The following KDM5B variants were observed in gnomAD, a reference collection of about 807,000 sequenced individuals.
KDM5B encodes the protein lysine demethylase 5B, also known as lysine-specific demethylase 5B.
In KDM5B, 144 loss-of-function variants were observed where a neutral mutation model predicts 193.4. That is an observed-to-expected ratio of 0.74 (90% CI 0.65 to 0.86). The LOEUF (loss-of-function observed/expected upper bound fraction) is 0.86, where lower values mean the gene tolerates loss of function less well. KDM5B is among the 40% of genes least tolerant of loss of function. The pLI is 0.00. For missense variants in KDM5B, 1,833 were observed against 1,886.9 expected (o/e 0.97, Z 0.53); for synonymous variants, 668 against 682.6 (o/e 0.98, Z 0.33).
intron 1 of KDM5B, among the ~76,000 whole-genome samples, chr1:202,792,612 C>G (rs530010233): frequency 6.6e-6 from 1 of 152,058 alleles, no homozygotes; most frequent in East Asian, 1.9e-4. Flanking sequence ...CTAAATGGTA[C>G]TTTGATAACT....
chr1:202,784,104 G>A (rs1657310065), intron 1 of KDM5B, among the ~76,000 whole-genome samples: 1 of 152,172 alleles, frequency 6.6e-6, no homozygotes, highest in Non-Finnish European at 1.5e-5. Context: ...ACTTTCAAAA[G>A]ATGCTGAAGA....
chr1:202,734,529 A>G (rs1170726032), intron 22 of KDM5B, among the ~76,000 whole-genome samples: 1 of 152,184 alleles, frequency 6.6e-6, no homozygotes, highest in East Asian at 1.9e-4. Flanking sequence ...CCAGGGGTCT[A>G]CAGACAGATG....
At position 202,741,723 on chromosome 1, in the gene KDM5B, C is replaced by A. The variant is rs1405516435; in HGVS notation, c.2590-1G>T. 4 of 1,555,194 alleles carry A rather than the reference C, an allele frequency of 2.6e-6. No homozygotes were observed. In the South Asian group the frequency reaches 3.5e-5, roughly 13 times the overall value. On this transcript the variant is annotated splice_acceptor_variant, in intron 18 of 26. Coordinates refer to ENST00000367265, the MANE Select transcript of KDM5B (RefSeq NM_006618.5). LOFTEE classifies it high-confidence loss of function. ...AATCTTCTACACGATTCAAGAGATC[C>A]TAAAAAAAAATACACAGGTTGTTGC... is the stretch of plus-strand genomic sequence containing the variant.
chr1:202,760,314 TAA>T, intron 8 of KDM5B, 99 bp downstream of exon 8: 1 of 849,576 alleles, frequency 1.2e-6, no homozygotes, highest in Non-Finnish European at 1.8e-6. Flanking sequence ...AGTCCTTGTC[TAA>T]AAAAAATAAA....
intron 21 of KDM5B, among the ~76,000 whole-genome samples, 167 bp from the exon 22 acceptor site, chr1:202,735,754 G>A (rs916161490): frequency 4.6e-5 from 7 of 152,160 alleles, no homozygotes; most frequent in African/African-American, 1.4e-4. Flanking sequence ...AAAAGGAGGA[G>A]GAAGACTCAT....
intron 1 of KDM5B, among the ~76,000 whole-genome samples, chr1:202,788,346 C>T (rs951331225): frequency 5.3e-5 from 8 of 152,130 alleles, no homozygotes; most frequent in Non-Finnish European, 8.8e-5. Context: ...ATGGTGAAAG[C>T]TATCAGTTTT....
At chr1:202,790,323 A>AC (rs1319756695) in intron 1 of KDM5B, among the ~76,000 whole-genome samples, 3 of 152,094 alleles carry the variant, frequency 2.0e-5, no homozygotes, top group Non-Finnish European at 4.4e-5. Context: ...CACGCTTGTA[A>AC]CCTCAGCACT....
At chr1:202,761,052 A>G (rs1262762628) in intron 7 of KDM5B, among the ~76,000 whole-genome samples, 1 of 152,156 alleles carries the variant, frequency 6.6e-6, no homozygotes, top group Non-Finnish European at 1.5e-5. Flanking sequence ...ATACCAGGTA[A>G]TACATTACCA....
intron 12 of KDM5B, among the ~76,000 whole-genome samples, chr1:202,752,572 C>G (rs1655836233): frequency 1.3e-5 from 2 of 152,196 alleles, no homozygotes. Flanking sequence ...CTAGACTTTT[C>G]AGTCAGACTG....
chr1:202,807,558 G>C (rs367950955), intron 1 of KDM5B, among the ~76,000 whole-genome samples: 1 of 151,964 alleles, frequency 6.6e-6, no homozygotes, highest in Non-Finnish European at 1.5e-5. Context: ...GGGCCGCTCC[G>C]GGCCGACGCC....
At position 202,750,647 on chromosome 1, in the gene KDM5B, G is replaced by A. The variant is rs1040553528; in HGVS notation, c.1821+12C>T. Reference sequence around the variant, plus strand: ...TAAATTTGAAAAGGTTAACTACATTGTAATTACATACCCAATCAACAGTGC... The same window carrying A: ...TAAATTTGAAAAGGTTAACTACATTATAATTACATACCCAATCAACAGTGC... On this transcript the variant is annotated intron_variant, in intron 13 of 26. Coordinates refer to ENST00000367265, the MANE Select transcript of KDM5B (RefSeq NM_006618.5). 7 of 1,611,828 alleles carry A rather than the reference G, an allele frequency of 4.3e-6. No individual in the cohort carries two copies. In the African/African-American group the frequency reaches 6.7e-5, roughly 15 times the overall value.
At position 202,755,445 on chromosome 1, in the gene KDM5B, A is replaced by G; in HGVS notation, c.1364T>C (p.Leu455Pro). 6.2e-7 allele frequency: 1 copy of G among 1,611,700 alleles called. No individual in the cohort carries two copies. The highest frequency in any genetic ancestry group is 8.5e-7 in the Non-Finnish European group (1 of 1,178,222). Reference protein sequence around the residue: ...IKLSPEEEEYLDSGWNLNNMP... With the variant: ...IKLSPEEEEYPDSGWNLNNMP... ...GTTGTTCAAATTCCAGCCACTATCA[A>G]GATACTCCTAAAAATAAGAAGACAA... Residue 455 changes from leucine (L) to proline (P), a missense_variant, in exon 11 of 27, where the codon CTT becomes CCT. Leu to Pro is a moderately conservative substitution (Grantham distance 98). Coordinates refer to ENST00000367265, the MANE Select transcript of KDM5B (RefSeq NM_006618.5).
rs1222211145 is a variant in KDM5B, at chr1:202,741,709, C to T, written c.2603G>A (p.Arg868His). 1.1e-5 allele frequency: 18 copies of T among 1,599,604 alleles called. No homozygotes were observed. The highest frequency in any genetic ancestry group is 2.2e-5 in the East Asian group (1 of 44,782). The change falls in exon 19 of 27, where the codon CGT becomes CAT. Residue 868 changes from arginine (R) to histidine (H), a missense_variant. Arg to His is a conservative substitution (Grantham distance 29). Around this residue, in one of 3 missense-constraint regions of KDM5B, gnomAD observed 1,379 missense variants for 1,349.6 expected, o/e 1.02. Coordinates refer to ENST00000367265, the MANE Select transcript of KDM5B (RefSeq NM_006618.5). ...QTPLLKDLLN[R>H]VEDFQQHSQK... The stretch of plus-strand genomic sequence containing the variant: ...ACTATGCTGTTGAAAATCTTCTACA[C>T]GATTCAAGAGATCCTAAAAAAAAAT...
At chr1:202,748,274 TG>T (rs1226652705) in intron 14 of KDM5B, among the ~76,000 whole-genome samples, 1 of 152,166 alleles carries the variant, frequency 6.6e-6, no homozygotes, top group African/African-American at 2.4e-5. Context: ...AAGACCTAAA[TG>T]TAAAACTTCA....
chr1:202,773,204 C>CA lies in KDM5B; in HGVS notation c.489dup (p.Gly164TrpfsTer13). The CA allele has an allele frequency of 6.2e-7, 1 of 1,613,956 alleles. No individual in the cohort carries two copies. The highest frequency in any genetic ancestry group is 8.5e-7 in the Non-Finnish European group (1 of 1,179,830). On this transcript the variant is annotated frameshift_variant, in exon 4 of 27. Coordinates refer to ENST00000367265, the MANE Select transcript of KDM5B (RefSeq NM_006618.5). LOFTEE classifies it high-confidence loss of function. ...CTGATATGTGAGCCCACTGCTTTGC[C>CA]AGGAGCAAACCCCATCTTGGTAGCA...
intron 4 of KDM5B, chr1:202,767,548 T>G (rs1656523861): frequency 1.6e-6 from 1 of 619,146 alleles, no homozygotes; most frequent in African/African-American, 1.9e-5. Flanking sequence ...CCCTCCTTTT[T>G]TAATCTTAGA....
chr1:202,756,795 A>C (rs549185692), intron 9 of KDM5B, among the ~76,000 whole-genome samples: 1 of 152,248 alleles, frequency 6.6e-6, no homozygotes, highest in Non-Finnish European at 1.5e-5. Flanking sequence ...TAAACTGTAT[A>C]GTAATAATGG....
intron 1 of KDM5B, among the ~76,000 whole-genome samples, chr1:202,782,881 A>G (rs895978473): frequency 1.3e-5 from 2 of 152,222 alleles, no homozygotes; most frequent in Non-Finnish European, 2.9e-5. Context: ...ACTTGAAAGT[A>G]AGCCAGGTGT....
intron 1 of KDM5B, among the ~76,000 whole-genome samples, chr1:202,786,920 C>T (rs972221783): frequency 6.6e-6 from 1 of 152,090 alleles, no homozygotes; most frequent in Non-Finnish European, 1.5e-5. Context: ...ACCAGCCTGA[C>T]CAACATGGAG....
Sources: allele counts gnomAD v4.1 joint callset (sites outside exome capture counted in the v4.1 genomes callset), GRCh38; gene constraint gnomAD v4.1.1; regional missense constraint gnomAD v4.1.1; transcripts MANE v1.5; gene names NCBI Gene and HGNC (gene_info 2026-07-23, HGNC 2026-07-21).